Variants in CTBP2 observed in about 807,000 individuals in gnomAD.
The protein encoded by CTBP2 is C-terminal binding protein 2, also known as C-terminal-binding protein 2.
In CTBP2, 30 loss-of-function variants were observed where a neutral mutation model predicts 80.3. The ratio of observed to expected loss-of-function variants is 0.37; its 90% CI spans 0.28 to 0.51. CTBP2 has a LOEUF of 0.51. Among genes scored for constraint, CTBP2 ranks in the 20% least tolerant of loss-of-function variants. CTBP2 has a pLI of 0.93. For synonymous variants in CTBP2, 594 were observed against 587.4 expected, an observed-to-expected ratio of 1.01 and a Z score of -0.16; for missense variants, 1,212 against 1,375.3, an observed-to-expected ratio of 0.88 and a Z score of 1.88.
chr10:125,105,672 CA>C (rs562862163), intron 2 of CTBP2, among the ~76,000 whole-genome samples: 76 of 152,148 alleles, frequency 5.0e-4, no homozygotes, highest in African/African-American at 8.0e-4. Flanking sequence ...AAAACCAAGA[CA>C]TTTTTTTAAA....
At chr10:125,137,715 A>G (rs1426531365) in intron 1 of CTBP2, among the ~76,000 whole-genome samples, 1 of 152,256 alleles carries the variant, frequency 6.6e-6, no homozygotes, top group Non-Finnish European at 1.5e-5. Context: ...TCCTTTCAAC[A>G]AGGACTGTCA....
chr10:125,071,273 T>A (rs954563668), intron 2 of CTBP2, among the ~76,000 whole-genome samples: 7 of 152,252 alleles, frequency 4.6e-5, no homozygotes, highest in Admixed American at 2.6e-4. Context: ...AGAGCCTGGT[T>A]GAAGGCCACT....
intron 1 of CTBP2, among the ~76,000 whole-genome samples, chr10:125,025,519 C>G (rs1321449022): frequency 6.6e-6 from 1 of 152,236 alleles, no homozygotes; most frequent in Non-Finnish European, 1.5e-5. Context: ...GGGATTTCAA[C>G]ATCTTGCTTT....
intron 3 of CTBP2, chr10:124,999,415 A>T (rs1954118765): frequency 6.6e-6 from 1 of 152,258 alleles, no homozygotes; most frequent in South Asian, 2.1e-4. Context: ...TCACCAAGGC[A>T]GCTTCTTCGG....
At position 125,119,262 on chromosome 10, in the gene CTBP2, C is replaced by T. The variant is rs1004159293; in HGVS notation, c.-205-8169G>A. On this transcript the variant is annotated intron_variant, in intron 1 of 10. Coordinates refer to the CTBP2 transcript ENST00000337195. ...CAGGTTTTAATGCAAGATCCCCTGACCAAAAGCAGGATGCTGGCTGCTCTG... is the reference window on the plus strand; with the variant it reads ...CAGGTTTTAATGCAAGATCCCCTGATCAAAAGCAGGATGCTGGCTGCTCTG... 2.6e-5 allele frequency among the ~76,000 whole-genome samples: 4 copies of T among 152,220 alleles called. No individual in the cohort carries two copies. In the South Asian group the frequency reaches 8.3e-4, roughly 32 times the overall value.
intron 2 of CTBP2, among the ~76,000 whole-genome samples, chr10:125,058,910 G>C (rs1450540339): frequency 6.6e-6 from 1 of 152,092 alleles, no homozygotes; most frequent in Non-Finnish European, 1.5e-5. Flanking sequence ...AAAAGGCACA[G>C]AGAGATCAGA....
chr10:124,986,606 A>G lies in CTBP2; in HGVS notation c.*2912T>C, dbSNP rs1952050522. 1.3e-5 allele frequency: 2 copies of G among 152,170 alleles called. No homozygotes were observed. Among genetic ancestry groups the G allele is most frequent in the South Asian group, 4.1e-4 (2 of 4,830 alleles). The allele number at this position is 152,170 out of a possible 1,614,324, so 9.4% of individuals were successfully genotyped here. A position where few individuals can be genotyped will look rare whatever the true frequency, so the allele number is the denominator to read the frequency against. ...TTCTGTAGAAATGAATCTTTGATATAATGTAAATGCTGCTGTTTGTTTCAA... is the reference window on the plus strand; with the variant it reads ...TTCTGTAGAAATGAATCTTTGATATGATGTAAATGCTGCTGTTTGTTTCAA... On this transcript the variant is annotated 3_prime_UTR_variant, in exon 9 of 9. Coordinates refer to ENST00000309035, the MANE Select transcript of CTBP2 (RefSeq NM_022802.3).
intron 1 of CTBP2, among the ~76,000 whole-genome samples, chr10:125,154,679 C>T (rs1404342010): frequency 1.3e-5 from 2 of 152,158 alleles, no homozygotes; most frequent in Admixed American, 1.3e-4. Flanking sequence ...CTTCAGACAC[C>T]AACAATGGTT....
chr10:125,074,791 A>G (rs1846038737), intron 2 of CTBP2, among the ~76,000 whole-genome samples: 1 of 152,116 alleles, frequency 6.6e-6, no homozygotes, highest in Admixed American at 6.5e-5. Flanking sequence ...CTTCTCAACA[A>G]CTTGGACCCC....
chr10:125,039,571 C>T (rs1326226978), intron 2 of CTBP2, among the ~76,000 whole-genome samples: 3 of 152,198 alleles, frequency 2.0e-5, no homozygotes, highest in Non-Finnish European at 4.4e-5. Flanking sequence ...CGTGGCGACT[C>T]GAGGGGCTCT....
chr10:125,043,760 C>A (rs1960505331), intron 2 of CTBP2, among the ~76,000 whole-genome samples: 1 of 152,196 alleles, frequency 6.6e-6, no homozygotes, highest in African/African-American at 2.4e-5. Flanking sequence ...CTTGACTCCA[C>A]TTCCTAGCCT....
chr10:125,086,580 A>T (rs1040972467), intron 2 of CTBP2, among the ~76,000 whole-genome samples: 1 of 142,578 alleles, frequency 7.0e-6, no homozygotes, highest in African/African-American at 2.7e-5. Flanking sequence ...ACACCACTGC[A>T]CTCCAGCCTG....
In CTBP2 at chr10:124,986,036, C is replaced by G. The variant is rs1952026280; in HGVS notation, c.*3482G>C. On this transcript the variant is annotated 3_prime_UTR_variant, in exon 9 of 9. Transcript: ENST00000309035. The stretch of plus-strand genomic sequence containing the variant: ...CAAATGCATTGTATGAAGAATTTCT[C>G]AGTGTTTAGTCTGAGAATTTTTGCA... The G allele has an allele frequency of 6.6e-6, 1 of 152,540 alleles. No homozygotes were observed. Among genetic ancestry groups the G allele is most frequent in the African/African-American group, 2.4e-5 (1 of 41,450 alleles). 9.4% of individuals were successfully genotyped at this position (152,540 alleles called of 1,614,324 possible).
In CTBP2 at chr10:124,989,395, C is replaced by G; in HGVS notation, c.*123G>C. The stretch of plus-strand genomic sequence containing the variant: ...TCTTGTAGTTTCAACACTGCAACAT[C>G]AATGATGCATATGTCCAGAATCAGT... On this transcript the variant is annotated 3_prime_UTR_variant, in exon 9 of 9. Transcript: ENST00000309035. The G allele has an allele frequency of 9.3e-7, 1 of 1,071,912 alleles. No homozygotes were observed. The highest frequency in any genetic ancestry group is 1.4e-6 in the Non-Finnish European group (1 of 694,288). The allele number at this position is 1,071,912 out of a possible 1,614,324, so 66.4% of individuals were successfully genotyped here. A position where few individuals can be genotyped will look rare whatever the true frequency, so the allele number is the denominator to read the frequency against.
At chr10:125,080,837 C>T (rs1046644917) in intron 2 of CTBP2, among the ~76,000 whole-genome samples, 3 of 152,004 alleles carry the variant, frequency 2.0e-5, no homozygotes, top group African/African-American at 4.8e-5. Flanking sequence ...GCACTTTTAA[C>T]GTTCAGTGGA....
chr10:125,145,433 G>A (rs995001003), intron 1 of CTBP2, among the ~76,000 whole-genome samples: 15 of 152,106 alleles, frequency 9.9e-5, no homozygotes, highest in Non-Finnish European at 1.8e-4. Context: ...TGAGTCACTC[G>A]TGAAAACCAC....
chr10:125,087,106 G>C (rs911518854), intron 2 of CTBP2, among the ~76,000 whole-genome samples: 3 of 144,722 alleles, frequency 2.1e-5, no homozygotes. Flanking sequence ...ACAGAGTCTC[G>C]TTCTGTCACC....
intron 2 of CTBP2, among the ~76,000 whole-genome samples, chr10:125,096,953 T>C (rs999667138): frequency 6.6e-6 from 1 of 152,242 alleles, no homozygotes. Flanking sequence ...TTTTAGAGTG[T>C]ATCTGTAATG....
intron 2 of CTBP2, among the ~76,000 whole-genome samples, chr10:125,069,097 C>A (rs1590504308): frequency 6.6e-6 from 1 of 152,144 alleles, no homozygotes; most frequent in Non-Finnish European, 1.5e-5. Context: ...GGGCTGGCCT[C>A]TTCCAGGGGC....
Sources: allele counts gnomAD v4.1 joint callset (sites outside exome capture counted in the v4.1 genomes callset), GRCh38; gene constraint gnomAD v4.1.1; transcripts MANE v1.5; gene names NCBI Gene and HGNC (gene_info 2026-07-23, HGNC 2026-07-21).